Variants in C12orf42 observed in about 807,000 individuals in gnomAD.
C12orf42 encodes chromosome 12 open reading frame 42.
In C12orf42, 25 loss-of-function variants were observed where a neutral mutation model predicts 21.6. The ratio of observed to expected loss-of-function variants is 1.16; its 90% CI spans 0.84 to 1.62. C12orf42 has a LOEUF of 1.62. C12orf42 is among the 40% of genes most tolerant of loss of function. C12orf42 has a pLI of 0.00. For missense variants in C12orf42, 483 were observed against 459.3 expected (o/e 1.05, Z -0.47); for synonymous variants, 174 against 175.0 (o/e 0.99, Z 0.05).
the C12orf42 span, among the ~76,000 whole-genome samples, chr12:103,141,887 T>C: frequency 6.6e-6 from 1 of 152,176 alleles, no homozygotes; most frequent in Non-Finnish European, 1.5e-5. Context: ...GAGTAGATAC[T>C]ATGCACCATA....
At chr12:103,081,717 T>A in the C12orf42 span, among the ~76,000 whole-genome samples, 381 of 152,244 alleles carry the variant, frequency 2.5e-3, 1 homozygote, top group Non-Finnish European at 4.4e-3. Context: ...TGCTTTTGAG[T>A]GGTTTAGTTC....
chr12:103,140,733 A>T, the C12orf42 span, among the ~76,000 whole-genome samples: 2 of 152,146 alleles, frequency 1.3e-5, no homozygotes, highest in Non-Finnish European at 1.5e-5. Flanking sequence ...AACAAACTTT[A>T]AAAAAATGGC....
chr12:103,395,912 A>G (rs2047489652), intron 3 of C12orf42, among the ~76,000 whole-genome samples: 1 of 148,754 alleles, frequency 6.7e-6, no homozygotes, highest in South Asian at 2.1e-4. Flanking sequence ...TATATACTAC[A>G]AATGCATTAT....
At chr12:103,088,287 G>A in the C12orf42 span, among the ~76,000 whole-genome samples, 2 of 152,186 alleles carry the variant, frequency 1.3e-5, no homozygotes, top group Non-Finnish European at 2.9e-5. Context: ...ACAGTGCCTG[G>A]CAGGTAGCAG....
At chr12:103,185,239 A>T in the C12orf42 span, among the ~76,000 whole-genome samples, 1 of 152,088 alleles carries the variant, frequency 6.6e-6, no homozygotes, top group Non-Finnish European at 1.5e-5. Context: ...TCCTAGATAA[A>T]GTGTTAAATT....
At chr12:103,240,255 T>C (rs2033669192) in intron 10 of C12orf42, among the ~76,000 whole-genome samples, 1 of 152,142 alleles carries the variant, frequency 6.6e-6, no homozygotes, top group African/African-American at 2.4e-5. Context: ...TCACAGACTA[T>C]ATAGTCCAGA....
At chr12:103,249,841 C>T (rs896306955) in intron 10 of C12orf42, among the ~76,000 whole-genome samples, 1 of 152,076 alleles carries the variant, frequency 6.6e-6, no homozygotes, top group Non-Finnish European at 1.5e-5. Flanking sequence ...GCAAACCAGT[C>T]AATCCTTAGA....
the C12orf42 span, among the ~76,000 whole-genome samples, chr12:103,101,562 C>G: frequency 6.6e-6 from 1 of 152,222 alleles, no homozygotes; most frequent in Non-Finnish European, 1.5e-5. Context: ...AAGCTGATCA[C>G]TCCTAAATCT....
At chr12:103,544,134 C>T in the C12orf42 span, among the ~76,000 whole-genome samples, 5 of 152,212 alleles carry the variant, frequency 3.3e-5, no homozygotes, top group Admixed American at 2.6e-4. Context: ...TCACCCACCT[C>T]GGCCTCCCAA....
chr12:103,215,910 A>G, the C12orf42 span, among the ~76,000 whole-genome samples: 2 of 152,260 alleles, frequency 1.3e-5, no homozygotes, highest in Non-Finnish European at 2.9e-5. Flanking sequence ...CTAAGAAGAC[A>G]TAAATATCTC....
chr12:103,507,165 A>T, the C12orf42 span, among the ~76,000 whole-genome samples: 3 of 23,368 alleles, frequency 1.3e-4, no homozygotes, highest in Non-Finnish European at 1.7e-4. Context: ...TATATATATA[A>T]TATATATTTA....
At chr12:103,514,902 T>C in the C12orf42 span, among the ~76,000 whole-genome samples, 14 of 152,176 alleles carry the variant, frequency 9.2e-5, no homozygotes, top group Admixed American at 2.0e-4. Flanking sequence ...TGGTTCTCAA[T>C]TCTCAGAGAC....
At chr12:103,521,682 T>C in the C12orf42 span, among the ~76,000 whole-genome samples, 2 of 152,220 alleles carry the variant, frequency 1.3e-5, no homozygotes, top group Non-Finnish European at 2.9e-5. Flanking sequence ...TCCTAGAACT[T>C]AAAATTTAAT....
At chr12:103,369,060 A>G (rs1030242517) in intron 3 of C12orf42, 62 bp from the exon 4 acceptor site, 4 of 805,730 alleles carry the variant, frequency 5.0e-6, no homozygotes, top group Middle Eastern at 4.6e-4. Flanking sequence ...AGAATAATTC[A>G]TGCCACCTAG....
chr12:103,267,127 T>C (rs2035208127), downstream of C12orf42, among the ~76,000 whole-genome samples: 1 of 152,146 alleles, frequency 6.6e-6, no homozygotes, highest in Non-Finnish European at 1.5e-5. Context: ...TCACCCCCTG[T>C]GTAAATCCTG....
intron 4 of C12orf42, among the ~76,000 whole-genome samples, chr12:103,319,388 A>T (rs1402338866): frequency 6.6e-6 from 1 of 152,148 alleles, no homozygotes. Flanking sequence ...TTGAAAAAGA[A>T]ATCCAGGCTA....
chr12:103,153,816 A>G, the C12orf42 span, among the ~76,000 whole-genome samples: 131 of 152,208 alleles, frequency 8.6e-4, 1 homozygote, highest in Middle Eastern at 3.4e-3. Context: ...TGTGTGCCTA[A>G]CAGAAATTCA....
chr12:103,146,560 A>AAAAGAAAGAAAGAATGAAAGAAAG, the C12orf42 span, among the ~76,000 whole-genome samples: 3 of 119,958 alleles, frequency 2.5e-5, no homozygotes, highest in Admixed American at 1.8e-4. Flanking sequence ...ATAAAGAAAG[A>AAAAGAAAGAAAGAATGAAAGAAAG]AAAGAAAGAA....
chr12:103,403,218 A>G (rs2048157913), intron 2 of C12orf42, among the ~76,000 whole-genome samples: 1 of 152,088 alleles, frequency 6.6e-6, no homozygotes, highest in African/African-American at 2.4e-5. Flanking sequence ...TACTAAAAAT[A>G]CAAAAAAATT....
Sources: gnomAD v4.1 joint callset for allele counts (sites outside exome capture counted in the v4.1 genomes callset) on GRCh38, gnomAD v4.1.1 for gene constraint, MANE v1.5 for transcripts, NCBI Gene and HGNC (gene_info 2026-07-23, HGNC 2026-07-21) for gene names.